The following TNS1 variants were observed in gnomAD, a reference collection of about 807,000 sequenced individuals.
TNS1 encodes tensin-1.
In TNS1, 62 loss-of-function variants were observed where a neutral mutation model predicts 168.6. The observed-to-expected ratio is 0.37, with a 90% confidence interval of 0.30 to 0.45. The LOEUF (loss-of-function observed/expected upper bound fraction) is 0.45, where lower values mean the gene tolerates loss of function less well. Ranked by LOEUF, TNS1 falls within the 20% of genes least tolerant of loss-of-function variation. TNS1 has a pLI of 1.00. For missense variants in TNS1, 2,240 were observed against 2,339.4 expected (o/e 0.96, Z 0.88); for synonymous variants, 934 against 933.2 (o/e 1.00, Z -0.02).
chr2:217,964,420 G>T (rs890614067), intron 3 of TNS1, among the ~76,000 whole-genome samples: 1 of 152,110 alleles, frequency 6.6e-6, no homozygotes, highest in Admixed American at 6.5e-5. Flanking sequence ...CTCTCCCCAG[G>T]CCTCTCCCTA....
At chr2:217,841,437 C>T (rs111779347) in intron 19 of TNS1, among the ~76,000 whole-genome samples, 2,065 of 152,126 alleles carry the variant, frequency 0.014, 48 homozygotes, top group African/African-American at 0.047. Context: ...TTAAACAGGA[C>T]AAAACACAAC....
chr2:218,031,074 GTGTT>G (rs1281622831), intron 1 of TNS1, among the ~76,000 whole-genome samples: 3 of 150,870 alleles, frequency 2.0e-5, no homozygotes, highest in Non-Finnish European at 2.9e-5. Flanking sequence ...GTGTATGTGT[GTGTT>G]TGTGAGTGTG....
intron 18 of TNS1, among the ~76,000 whole-genome samples, chr2:217,864,373 C>T (rs748100901): frequency 6.6e-5 from 10 of 152,150 alleles, no homozygotes; most frequent in Non-Finnish European, 1.3e-4. Context: ...TGCTTGGTTC[C>T]ACAACTGCCT....
chr2:217,835,544 C>G (rs2125321772), intron 20 of TNS1, among the ~76,000 whole-genome samples: 1 of 152,350 alleles, frequency 6.6e-6, no homozygotes, highest in East Asian at 1.9e-4. Context: ...ACAGTTTTAA[C>G]AAGCTCCCCA....
chr2:217,953,058 G>A (rs746269038), intron 3 of TNS1, among the ~76,000 whole-genome samples: 3 of 152,232 alleles, frequency 2.0e-5, no homozygotes, highest in Non-Finnish European at 4.4e-5. Flanking sequence ...GTCCCCAGGA[G>A]AGGAGATGCT....
chr2:217,805,255 T>G (rs1477660106), intron 32 of TNS1, among the ~76,000 whole-genome samples: 1 of 151,418 alleles, frequency 6.6e-6, no homozygotes, highest in African/African-American at 2.4e-5. Context: ...GAACAGAATG[T>G]GAGCTCAGGT....
intron 19 of TNS1, among the ~76,000 whole-genome samples, chr2:217,844,960 C>G (rs1946449036): frequency 6.6e-6 from 1 of 152,194 alleles, no homozygotes; most frequent in Non-Finnish European, 1.5e-5. Context: ...GTGGTGATAA[C>G]AGACATCCTT....
At chr2:217,812,520 C>T in intron 27 of TNS1, 75 bp from the exon 28 acceptor site, 4 of 1,182,570 alleles carry the variant, frequency 3.4e-6, no homozygotes, top group Non-Finnish European at 4.9e-6. Context: ...TCTACCCTTA[C>T]ACCGATACAC....
At chr2:217,917,353 C>T (rs1559354060) in intron 4 of TNS1, among the ~76,000 whole-genome samples, 1 of 152,110 alleles carries the variant, frequency 6.6e-6, no homozygotes, top group Non-Finnish European at 1.5e-5. Context: ...GACACAGCAC[C>T]GAACAAAATA....
chr2:218,015,103 G>C (rs988561454), upstream of TNS1, among the ~76,000 whole-genome samples: 2 of 152,134 alleles, frequency 1.3e-5, no homozygotes, highest in African/African-American at 4.8e-5. Context: ...CCTGGTGAGA[G>C]CTCCCATCTC....
intron 3 of TNS1, among the ~76,000 whole-genome samples, chr2:217,974,153 G>A (rs552857961): frequency 6.6e-6 from 1 of 152,336 alleles, no homozygotes; most frequent in African/African-American, 2.4e-5. Flanking sequence ...AGGAACATAA[G>A]GGTTGCTTTT....
Position 217,804,321 on chromosome 2 carries a change from C to T in TNS1, c.*138G>A. ...CCTCCCCTCTGCAATTCACTTCCCT[C>T]TCCCCACGTTGCACTTTCTTCTCTC... is the stretch of plus-strand genomic sequence containing the variant. On this transcript the variant is annotated 3_prime_UTR_variant, in exon 33 of 33. Transcript: ENST00000682258. 1 of 1,006,680 alleles carries T rather than the reference C, an allele frequency of 9.9e-7. No individual in the cohort carries two copies. The highest frequency in any genetic ancestry group is 1.5e-6 in the Non-Finnish European group (1 of 674,156). The allele number at this position is 1,006,680 out of a possible 1,614,324, so 62.4% of individuals were successfully genotyped here.
intron 18 of TNS1, among the ~76,000 whole-genome samples, chr2:217,860,891 C>G (rs1440442908): frequency 1.3e-5 from 2 of 152,114 alleles, no homozygotes; most frequent in Non-Finnish European, 2.9e-5. Context: ...CAGTGGCAAC[C>G]CCATCTGATG....
At chr2:217,953,684 C>T (rs1414972711) in intron 3 of TNS1, among the ~76,000 whole-genome samples, 3 of 152,152 alleles carry the variant, frequency 2.0e-5, no homozygotes, top group Non-Finnish European at 4.4e-5. Context: ...ATCCTGGTGA[C>T]GCCCTGGGTC....
chr2:217,937,788 G>T (rs1159053142), intron 3 of TNS1, among the ~76,000 whole-genome samples: 1 of 152,092 alleles, frequency 6.6e-6, no homozygotes, highest in Non-Finnish European at 1.5e-5. Context: ...CCAGAGGCTA[G>T]GGACAGAGCC....
At chr2:217,937,438 C>T (rs548817794) in intron 3 of TNS1, among the ~76,000 whole-genome samples, 239 of 152,304 alleles carry the variant, frequency 1.6e-3, no homozygotes, top group African/African-American at 5.2e-3. Context: ...CGAACCCCAG[C>T]TCATGTCCCT....
intron 22 of TNS1, among the ~76,000 whole-genome samples, chr2:217,826,547 C>T (rs969234227): frequency 3.9e-5 from 6 of 152,166 alleles, no homozygotes; most frequent in Non-Finnish European, 8.8e-5. Flanking sequence ...GAAAGTTCTT[C>T]CTAATTCTTT....
At chr2:217,861,310 C>G (rs930464669) in intron 18 of TNS1, among the ~76,000 whole-genome samples, 2 of 152,142 alleles carry the variant, frequency 1.3e-5, no homozygotes, top group Non-Finnish European at 2.9e-5. Flanking sequence ...ACGTGCCTGC[C>G]CTCCTGAATC....
At chr2:217,808,934 G>C (rs1327031102) in intron 30 of TNS1, among the ~76,000 whole-genome samples, 3 of 152,230 alleles carry the variant, frequency 2.0e-5, no homozygotes, top group Non-Finnish European at 4.4e-5. Flanking sequence ...AATGTGGGGA[G>C]GGGCTGGAAG....
Sources: allele counts gnomAD v4.1 joint callset (sites outside exome capture counted in the v4.1 genomes callset), GRCh38; gene constraint gnomAD v4.1.1; transcripts MANE v1.5; gene names NCBI Gene and HGNC (gene_info 2026-07-23, HGNC 2026-07-21).